Variants in ZHX2 observed in about 807,000 individuals in gnomAD.
ZHX2 encodes the protein zinc fingers and homeoboxes protein 2.
In ZHX2, 6 loss-of-function variants were observed where a neutral mutation model predicts 21.9. The observed-to-expected ratio is 0.27, with a 90% CI of 0.15 to 0.54. The LOEUF (loss-of-function observed/expected upper bound fraction) is 0.54, where lower values mean the gene tolerates loss of function less well. ZHX2 is among the 20% of genes least tolerant of loss of function. The pLI, the probability that ZHX2 is intolerant of heterozygous loss-of-function variation, is 0.95. For synonymous variants in ZHX2, 434 were observed against 437.1 expected (o/e 0.99, Z 0.09); for missense variants, 908 against 1,090.7 (o/e 0.83, Z 2.36).
intron 2 of ZHX2, among the ~76,000 whole-genome samples, chr8:122,949,914 A>G (rs1813068140): frequency 6.6e-6 from 1 of 152,170 alleles, no homozygotes; most frequent in Admixed American, 6.5e-5. Flanking sequence ...ACAAAAATCC[A>G]AAAAACTGTT....
chr8:122,790,619 T>C (rs1258245907), intron 1 of ZHX2, among the ~76,000 whole-genome samples: 1 of 152,136 alleles, frequency 6.6e-6, no homozygotes, highest in East Asian at 1.9e-4. Context: ...TTGTTGTTGT[T>C]ATTTTTGAGA....
At chr8:122,920,799 G>A (rs1030917063) in intron 2 of ZHX2, among the ~76,000 whole-genome samples, 11 of 152,194 alleles carry the variant, frequency 7.2e-5, no homozygotes, top group African/African-American at 2.4e-4. Flanking sequence ...GGGCAGGATC[G>A]ATGTGATGAG....
intron 2 of ZHX2, among the ~76,000 whole-genome samples, chr8:122,898,615 A>G (rs1197487244): frequency 6.6e-6 from 1 of 152,240 alleles, no homozygotes; most frequent in Non-Finnish European, 1.5e-5. Flanking sequence ...AAGTCCAAAT[A>G]GGAGCTAGTG....
chr8:122,820,590 A>G (rs997341619), intron 1 of ZHX2, among the ~76,000 whole-genome samples: 18 of 152,172 alleles, frequency 1.2e-4, no homozygotes, highest in African/African-American at 4.1e-4. Flanking sequence ...CAGGAAGCTC[A>G]GCTGCTGTCT....
At chr8:122,789,252 C>T (rs1586571775) in intron 1 of ZHX2, among the ~76,000 whole-genome samples, 1 of 152,188 alleles carries the variant, frequency 6.6e-6, no homozygotes, top group East Asian at 1.9e-4. Flanking sequence ...TATGGCTCTC[C>T]CCAGCTGCAG....
chr8:122,895,590 G>T (rs1820080300), intron 2 of ZHX2, among the ~76,000 whole-genome samples: 1 of 152,020 alleles, frequency 6.6e-6, no homozygotes, highest in Non-Finnish European at 1.5e-5. Context: ...CTGCTACCTA[G>T]CTAGCATCCT....
At position 122,883,463 on chromosome 8, in the gene ZHX2, C is replaced by A. The variant is rs147438852; in HGVS notation, c.-220+19924C>A. On this transcript the variant is annotated intron_variant, in intron 2 of 3. Transcript: ENST00000314393. ...CCCATCACTTCTTGAGAAACTCTAG[C>A]CAGTTGCTCTGACACATGGGATTCT... 2.7e-3 allele frequency among the ~76,000 whole-genome samples: 407 copies of A among 152,302 alleles called. 3 individuals are homozygous for A. The highest frequency in any genetic ancestry group is 3.3e-3 in the Non-Finnish European group (224 of 68,028).
At chr8:122,875,589 C>CA (rs1488529171) in intron 2 of ZHX2, among the ~76,000 whole-genome samples, 1 of 144,052 alleles carries the variant, frequency 6.9e-6, no homozygotes, top group Admixed American at 7.3e-5. Flanking sequence ...CCGGTAGCAA[C>CA]AGCAGGTGCG....
chr8:122,963,498 A>G (rs1357556502), intron 3 of ZHX2, among the ~76,000 whole-genome samples: 2 of 152,208 alleles, frequency 1.3e-5, no homozygotes, highest in African/African-American at 4.8e-5. Context: ...TTTTTATACC[A>G]GTACTATGCT....
At chr8:122,868,052 T>C (rs1208582391) in intron 2 of ZHX2, among the ~76,000 whole-genome samples, 6 of 152,222 alleles carry the variant, frequency 3.9e-5, no homozygotes, top group African/African-American at 1.4e-4. Flanking sequence ...CTGACATGCA[T>C]GTGGACGAAT....
intron 2 of ZHX2, among the ~76,000 whole-genome samples, chr8:122,882,136 T>C (rs1819727238): frequency 6.6e-6 from 1 of 152,188 alleles, no homozygotes; most frequent in African/African-American, 2.4e-5. Flanking sequence ...AATTGCCAGC[T>C]CCTTGTCTTA....
intron 1 of ZHX2, among the ~76,000 whole-genome samples, chr8:122,792,146 C>T (rs1817529970): frequency 6.6e-6 from 1 of 152,126 alleles, no homozygotes; most frequent in Admixed American, 6.5e-5. Flanking sequence ...TTCCACTCCC[C>T]GCCCACCTTA....
chr8:122,944,120 C>T (rs1016479367), intron 2 of ZHX2, among the ~76,000 whole-genome samples: 12 of 152,188 alleles, frequency 7.9e-5, no homozygotes, highest in Non-Finnish European at 1.6e-4. Context: ...ATTCTACTCC[C>T]CCTTTGAAGC....
intron 3 of ZHX2, among the ~76,000 whole-genome samples, chr8:122,965,471 C>T (rs73335745): frequency 0.019 from 2,863 of 152,156 alleles, 71 homozygotes; most frequent in African/African-American, 0.064. Flanking sequence ...CTGTTCCTTT[C>T]GGAGTTAATT....
At position 122,781,745 on chromosome 8, in the gene ZHX2, T is replaced by C. The variant is rs13261590; in HGVS notation, c.-484T>C. On this transcript the variant is annotated 5_prime_UTR_variant, in exon 1 of 4. Coordinates refer to ENST00000314393, the MANE Select transcript of ZHX2 (RefSeq NM_014943.5). This position sits in a 1 kb window ranked among gnomAD's most constrained non-coding sequence, Gnocchi z 4.6. ...TTTTTTCTTTTAAAAATTTTGGCCATCGTTCTCCGTACGGGGGCTTTTTCT... is the reference window on the plus strand; with the variant it reads ...TTTTTTCTTTTAAAAATTTTGGCCACCGTTCTCCGTACGGGGGCTTTTTCT... 135,913 of 151,558 alleles carry C rather than the reference T, an allele frequency of 0.9. 61,059 individuals carry two copies. The highest frequency in any genetic ancestry group is 0.97 in the Middle Eastern group (284 of 294). 9.4% of individuals were successfully genotyped at this position (151,558 alleles called of 1,614,324 possible).
intron 1 of ZHX2, among the ~76,000 whole-genome samples, chr8:122,843,816 C>A (rs528499799): frequency 6.6e-6 from 1 of 152,276 alleles, no homozygotes; most frequent in Non-Finnish European, 1.5e-5. Context: ...CAGGGAGCTT[C>A]TTTCTCCCTA....
At position 122,824,983 on chromosome 8, in the gene ZHX2, T is replaced by C. The variant is rs568346514; in HGVS notation, c.-282-38494T>C. Among the ~76,000 whole-genome samples, 5 of 152,298 alleles carry C rather than the reference T, an allele frequency of 3.3e-5. No homozygotes were observed. In the East Asian group the frequency reaches 9.6e-4, roughly 29 times the overall value. On this transcript the variant is annotated intron_variant, in intron 1 of 3. Coordinates refer to ENST00000314393, the MANE Select transcript of ZHX2 (RefSeq NM_014943.5). ...TTCTCCAGCCGCATCATTCCAACAT[T>C]GACTCTCCTGCCTGGCTCCTTCATT... is the stretch of plus-strand genomic sequence containing the variant.
rs143375869 is a variant in ZHX2 at position 122,847,409 on chromosome 8, C to T, written c.-282-16068C>T. On this transcript the variant is annotated intron_variant, in intron 1 of 3. Coordinates refer to ENST00000314393, the MANE Select transcript of ZHX2 (RefSeq NM_014943.5). Reference sequence around the variant, plus strand: ...ACCTTCCAGTCCTCCACCCAGTGACCTTCTCCAACAGGTTTCTCCAATTGG... The same window carrying T: ...ACCTTCCAGTCCTCCACCCAGTGACTTTCTCCAACAGGTTTCTCCAATTGG... Among the ~76,000 whole-genome samples, 9 of 152,316 alleles carry T rather than the reference C, an allele frequency of 5.9e-5. No individual in the cohort carries two copies. In the East Asian group the frequency reaches 1.5e-3, roughly 26 times the overall value.
chr8:122,907,655 G>C (rs1820380627), intron 2 of ZHX2, among the ~76,000 whole-genome samples: 1 of 152,214 alleles, frequency 6.6e-6, no homozygotes, highest in Admixed American at 6.5e-5. Flanking sequence ...CAATCAGCAT[G>C]AAGTCAGTGC....
Sources: allele counts gnomAD v4.1 joint callset (sites outside exome capture counted in the v4.1 genomes callset), GRCh38; gene constraint gnomAD v4.1.1; non-coding constraint Gnocchi (gnomAD v3.1); transcripts MANE v1.5; gene names NCBI Gene and HGNC (gene_info 2026-07-23, HGNC 2026-07-21).